The following SLC39A12 variants were observed in gnomAD, a reference collection of about 807,000 sequenced individuals.
SLC39A12 encodes zinc transporter ZIP12.
In SLC39A12, 63 loss-of-function variants were observed where a neutral mutation model predicts 71.1. That is an observed-to-expected ratio of 0.89 (90% CI 0.72 to 1.09). SLC39A12 has a LOEUF of 1.09. SLC39A12 is among the 50% of genes least tolerant of loss of function. The pLI is 0.00. For synonymous variants in SLC39A12, 351 were observed against 301.3 expected (o/e 1.16, Z -1.71); for missense variants, 892 against 812.6 (o/e 1.10, Z -1.19).
At chr10:17,962,857 A>G (rs1834727064) in intron 3 of SLC39A12, among the ~76,000 whole-genome samples, 1 of 152,134 alleles carries the variant, frequency 6.6e-6, no homozygotes, top group Non-Finnish European at 1.5e-5. Context: ...TTTTCATTTT[A>G]GGAAAAGGGA....
intron 9 of SLC39A12, among the ~76,000 whole-genome samples, 183 bp from the exon 10 acceptor site, chr10:17,995,473 G>T (rs1417672544): frequency 6.6e-6 from 1 of 152,172 alleles, no homozygotes; most frequent in African/African-American, 2.4e-5. Flanking sequence ...AGTGCAAAAG[G>T]CTTGCTTTGC....
chr10:17,995,575 G>A (rs1835661947), intron 9 of SLC39A12, 81 bp from the exon 10 acceptor site: 3 of 1,305,766 alleles, frequency 2.3e-6, no homozygotes, highest in South Asian at 1.2e-5. Flanking sequence ...AAAAACCCAT[G>A]TAACTCTCCA....
chr10:18,036,786 A>ATT (rs1407183255), intron 12 of SLC39A12, among the ~76,000 whole-genome samples: 22 of 9,458 alleles, frequency 2.3e-3, no homozygotes, highest in African/African-American at 7.1e-3. Flanking sequence ...ATATATATAT[A>ATT]TATATATATT....
In SLC39A12 at chr10:17,953,208, A is replaced by G. The variant is rs1416338502; in HGVS notation, c.-69A>G. The G allele has an allele frequency of 3.9e-6, 6 of 1,543,808 alleles. No individual in the cohort carries two copies. The East Asian group carries it at 1.4e-4, about 35-fold the overall frequency. On this transcript the variant is annotated 5_prime_UTR_variant, in exon 2 of 13. Transcript: ENST00000377369. The stretch of plus-strand genomic sequence containing the variant: ...TACCACAGAAATTCCTTTGGTTACA[A>G]GTTTACCCCATAAACGGCAACACAC...
In SLC39A12 at chr10:17,961,604, A is replaced by G. The variant is rs946970998; in HGVS notation, c.285A>G (p.Leu95=). 1.2e-6 allele frequency: 2 copies of G among 1,613,280 alleles called. No homozygotes were observed. The highest frequency in any genetic ancestry group is 1.7e-5 in the Admixed American group (1 of 59,896). Residue 95 remains leucine (L), a synonymous_variant, in exon 3 of 13, where the codon TTA becomes TTG. Transcript: ENST00000377369. ...CNLCFEPDAL[L]LIAGGNFEDQ... ...AGTGCTTTGAACCAGATGCACTATT[A>G]CTAATAGCTGGAGGAAATTTTGAAG...
intron 7 of SLC39A12, among the ~76,000 whole-genome samples, chr10:17,989,786 T>C (rs140244847): frequency 6.6e-6 from 1 of 151,728 alleles, no homozygotes; most frequent in Non-Finnish European, 1.5e-5. Flanking sequence ...GGTGTGGTGG[T>C]GGGCGCCTGT....
intron 12 of SLC39A12, among the ~76,000 whole-genome samples, chr10:18,040,464 A>G (rs2130910663): frequency 6.6e-6 from 1 of 152,164 alleles, no homozygotes; most frequent in Middle Eastern, 3.4e-3. Context: ...GCTCCTCTCC[A>G]TGTACTTAAA....
Position 18,043,084 on chromosome 10 carries a change from G to T in SLC39A12, c.*251G>T. 9.4e-6 allele frequency: 2 copies of T among 212,090 alleles called. No homozygotes were observed. The highest frequency in any genetic ancestry group is 1.8e-5 in the Non-Finnish European group (2 of 108,790). 13.1% of individuals were successfully genotyped at this position (212,090 alleles called of 1,614,324 possible). ...TGAAGCTCTTGCTTTTTAAAAAGTA[G>T]TTAGTAAATTCTGCATGAATTTTAG... On this transcript the variant is annotated 3_prime_UTR_variant, in exon 13 of 13. Transcript: ENST00000377369.
chr10:17,979,536 A>G (rs748340929), intron 5 of SLC39A12, among the ~76,000 whole-genome samples: 5 of 152,166 alleles, frequency 3.3e-5, no homozygotes, highest in Admixed American at 1.3e-4. Flanking sequence ...ATTTTTGTCA[A>G]TATTGTTGAT....
Position 17,984,557 on chromosome 10 carries a change from G to C in SLC39A12, c.1097-2922G>C, listed in dbSNP as rs1401768752. 2.6e-5 allele frequency among the ~76,000 whole-genome samples: 4 copies of C among 152,162 alleles called. No homozygotes were observed. The East Asian group carries it at 7.7e-4, about 29-fold the overall frequency. ...CTTTAATTTATGTAATAAATGAAAA[G>C]AATGGCATTCCCATATAGAGTCTGT... On this transcript the variant is annotated intron_variant, in intron 6 of 12. Coordinates refer to ENST00000377369, the MANE Select transcript of SLC39A12 (RefSeq NM_001145195.2).
chr10:18,000,521 A>C, intron 10 of SLC39A12, 146 bp from the exon 11 acceptor site: 1 of 736,656 alleles, frequency 1.4e-6, no homozygotes, highest in South Asian at 1.8e-5. Flanking sequence ...TCTAGTCCTG[A>C]CTTTTGCGGA....
At chr10:17,963,394 T>G (rs1286280414) in intron 3 of SLC39A12, among the ~76,000 whole-genome samples, 1 of 152,210 alleles carries the variant, frequency 6.6e-6, no homozygotes, top group South Asian at 2.1e-4. Context: ...TTTCCAGGTT[T>G]CTGGTTATCC....
At chr10:17,968,236 A>G (rs1049057193) in intron 4 of SLC39A12, among the ~76,000 whole-genome samples, 6 of 151,866 alleles carry the variant, frequency 4.0e-5, no homozygotes, top group Non-Finnish European at 7.4e-5. Context: ...TTACTTTCTC[A>G]TCTAATTGCG....
Position 18,042,954 on chromosome 10 carries a change from C to T in SLC39A12, c.*121C>T, listed in dbSNP as rs944060718. On this transcript the variant is annotated 3_prime_UTR_variant, in exon 13 of 13. Coordinates refer to ENST00000377369, the MANE Select transcript of SLC39A12 (RefSeq NM_001145195.2). ...TATCTTAGGCAAAGTGTGTCTCTTT[C>T]AATTCATTAACTTATTAATTTTATA... 4.2e-6 allele frequency: 3 copies of T among 718,736 alleles called. No homozygotes were observed. The highest frequency in any genetic ancestry group is 6.0e-6 in the Non-Finnish European group (3 of 498,502). The allele number at this position is 718,736 out of a possible 1,614,324, so 44.5% of individuals were successfully genotyped here.
intron 12 of SLC39A12, among the ~76,000 whole-genome samples, chr10:18,038,008 G>GCCTC (rs1837108345): frequency 9.9e-6 from 1 of 101,186 alleles, no homozygotes; most frequent in African/African-American, 4.0e-5. Context: ...GACAGAGTGA[G>GCCTC]CCTCCATCTC....
chr10:18,038,594 G>A (rs1837129762), intron 12 of SLC39A12, among the ~76,000 whole-genome samples: 1 of 152,048 alleles, frequency 6.6e-6, no homozygotes, highest in Admixed American at 6.6e-5. Flanking sequence ...GGAGGTTGCA[G>A]TGAGCTGAGA....
chr10:17,978,089 T>C lies in SLC39A12; in HGVS notation c.924+15T>C. The C allele has an allele frequency of 1.3e-6, 2 of 1,535,376 alleles. No individual in the cohort carries two copies. The highest frequency in any genetic ancestry group is 1.4e-5 in the African/African-American group (1 of 70,948). ...CCTGGGATCAGGTATTGCCATTGTT[T>C]CTCTTATTCAAGCATTTGCTACTGT... On this transcript the variant is annotated intron_variant, in intron 5 of 12. Coordinates refer to ENST00000377369, the MANE Select transcript of SLC39A12 (RefSeq NM_001145195.2).
At chr10:18,037,763 C>A (rs902937498) in intron 12 of SLC39A12, among the ~76,000 whole-genome samples, 1 of 152,048 alleles carries the variant, frequency 6.6e-6, no homozygotes, top group African/African-American at 2.4e-5. Flanking sequence ...GGGGCTCACA[C>A]CTGTAATCCC....
chr10:18,020,533 A>G (rs1477455889), intron 12 of SLC39A12, among the ~76,000 whole-genome samples: 1 of 152,006 alleles, frequency 6.6e-6, no homozygotes, highest in Non-Finnish European at 1.5e-5. Flanking sequence ...TAACTTCTTT[A>G]AGAAATCTCC....
Sources: allele counts gnomAD v4.1 joint callset (sites outside exome capture counted in the v4.1 genomes callset), GRCh38; gene constraint gnomAD v4.1.1; transcripts MANE v1.5; gene names NCBI Gene and HGNC (gene_info 2026-07-23, HGNC 2026-07-21).